The following ARHGAP23 variants were observed in gnomAD, a reference collection of about 807,000 sequenced individuals.
The protein encoded by ARHGAP23 is rho GTPase-activating protein 23.
In ARHGAP23, 34 loss-of-function variants were observed where a neutral mutation model predicts 136.3. The observed-to-expected ratio is 0.25, with a 90% confidence interval of 0.19 to 0.33. The LOEUF (loss-of-function observed/expected upper bound fraction) is 0.33, where lower values mean the gene tolerates loss of function less well. Among genes scored for constraint, ARHGAP23 ranks in the 10% least tolerant of loss-of-function variants. The pLI is 1.00. For synonymous variants in ARHGAP23, 832 were observed against 920.5 expected (o/e 0.90, Z 1.74); for missense variants, 1,808 against 2,139.0 (o/e 0.85, Z 3.05).
At chr17:38,476,735 G>C (rs1368965150) in intron 11 of ARHGAP23, among the ~76,000 whole-genome samples, 1 of 152,222 alleles carries the variant, frequency 6.6e-6, no homozygotes, top group Non-Finnish European at 1.5e-5. Context: ...CTTACCCTCA[G>C]CTCTGCTGAC....
rs143630883 is a variant in ARHGAP23 at position 38,460,222 on chromosome 17, G to T, written c.226-683G>T. 1.6e-3 allele frequency among the ~76,000 whole-genome samples: 243 copies of T among 152,228 alleles called. 2 individuals are homozygous for T. In the East Asian group the frequency reaches 0.04, roughly 25 times the overall value. ...GGGTCCCCTTGACACCCTGCACCCA[G>T]GTGCCAGAATCCTCTCCCCTAACTC... is the stretch of plus-strand genomic sequence containing the variant. On this transcript the variant is annotated intron_variant, in intron 2 of 23. Coordinates refer to ENST00000622683, the MANE Select transcript of ARHGAP23 (RefSeq NM_001199417.2).
At chr17:38,509,448 G>C (rs1459755456) in intron 23 of ARHGAP23, among the ~76,000 whole-genome samples, 1 of 152,160 alleles carries the variant, frequency 6.6e-6, no homozygotes, top group African/African-American at 2.4e-5. Flanking sequence ...TGTAGATGCT[G>C]GGCAGGTGGG....
At position 38,469,827 on chromosome 17, in the gene ARHGAP23, C is replaced by A. The variant is rs1042952585; in HGVS notation, c.1917-20C>A. The A allele has an allele frequency of 6.4e-7, 1 of 1,551,452 alleles. No homozygotes were observed. Among genetic ancestry groups the A allele is most frequent in the Non-Finnish European group, 8.7e-7 (1 of 1,146,922 alleles). ...CAGCTTTGCTGCCCACATCCCTCAC[C>A]CTCGACCCTCGCTTTCCAGGCGCCT... On this transcript the variant is annotated intron_variant, in intron 9 of 23. Coordinates refer to ENST00000622683, the MANE Select transcript of ARHGAP23 (RefSeq NM_001199417.2).
At chr17:38,425,495 C>T (rs577325696), upstream of ARHGAP23, among the ~76,000 whole-genome samples, 1 of 152,316 alleles carries the variant, frequency 6.6e-6, no homozygotes, top group South Asian at 2.1e-4. Flanking sequence ...CTAGGCCTCA[C>T]CTCTGTATTC....
chr17:38,496,270 A>G (rs903801398), intron 20 of ARHGAP23, among the ~76,000 whole-genome samples: 5 of 151,848 alleles, frequency 3.3e-5, no homozygotes, highest in Admixed American at 6.6e-5. Flanking sequence ...CAAAAGTGGT[A>G]GGGTGCAGTG....
rs532999270 is a variant in ARHGAP23, at chr17:38,470,682, G to A, written c.1974+778G>A. 2.5e-4 allele frequency among the ~76,000 whole-genome samples: 37 copies of A among 150,696 alleles called. 2 individuals carry two copies. In the South Asian group the frequency reaches 5.3e-3, roughly 21 times the overall value. On this transcript the variant is annotated intron_variant, in intron 10 of 23. Coordinates refer to ENST00000622683, the MANE Select transcript of ARHGAP23 (RefSeq NM_001199417.2). ...CTCCCGAGCAGCTGGGATTACAGGC[G>A]TGTGCCACCACGCCTGGGTAATTTT...
intron 14 of ARHGAP23, among the ~76,000 whole-genome samples, chr17:38,480,444 T>C (rs2040008666): frequency 2.0e-5 from 3 of 152,202 alleles, no homozygotes; most frequent in Admixed American, 2.0e-4. Flanking sequence ...CCATCCTGGC[T>C]AACACGGTGA....
In ARHGAP23 at chr17:38,477,656, G is replaced by A; in HGVS notation, c.2196G>A (p.Glu732=). Residue 732 remains glutamate, a synonymous_variant, in exon 12 of 24, where the codon GAG becomes GAA. Coordinates refer to ENST00000622683, the MANE Select transcript of ARHGAP23 (RefSeq NM_001199417.2). This position sits in a 1 kb window ranked among gnomAD's most constrained non-coding sequence, Gnocchi z 6.6. ...LRARSLSLSK[E]RREPGPAAAG... ...CGCGCTCGCTCTCGCTGAGCAAGGA[G>A]CGGCGGGAGCCCGGGCCGGCGGCGG... 1 of 1,273,718 alleles carries A rather than the reference G, an allele frequency of 7.9e-7. No individual in the cohort carries two copies. The highest frequency in any genetic ancestry group is 9.9e-7 in the Non-Finnish European group (1 of 1,007,660). The allele number at this position is 1,273,718 out of a possible 1,614,324, so 78.9% of individuals were successfully genotyped here. A position where few individuals can be genotyped will look rare whatever the true frequency, so the allele number is the denominator to read the frequency against.
upstream of ARHGAP23, among the ~76,000 whole-genome samples, chr17:38,428,199 T>A (rs2038597803): frequency 6.6e-6 from 1 of 152,132 alleles, no homozygotes; most frequent in African/African-American, 2.4e-5. Flanking sequence ...CGGGCAAGCG[T>A]CTCCTGGAGA....
intron 3 of ARHGAP23, among the ~76,000 whole-genome samples, chr17:38,462,502 C>T (rs1042497035): frequency 2.0e-5 from 3 of 151,558 alleles, no homozygotes; most frequent in South Asian, 2.1e-4. Context: ...GTGATCCACC[C>T]GCCTTGGCCT....
At chr17:38,428,576 C>T in intron 1 of ARHGAP23, 28 bp downstream of exon 1, 6 of 1,378,084 alleles carry the variant, frequency 4.4e-6, no homozygotes, top group Non-Finnish European at 4.7e-6. Context: ...GGGAAGTGGG[C>T]GGGGCCGGTA....
In ARHGAP23 at chr17:38,428,524, C is replaced by A. The variant is rs866222114; in HGVS notation, c.39C>A (p.Pro13=). The A allele has an allele frequency of 4.5e-5, 66 of 1,455,674 alleles. No individual in the cohort carries two copies. The African/African-American group carries it at 8.8e-4, about 19-fold the overall frequency. The allele number at this position is 1,455,674 out of a possible 1,614,324, so 90.2% of individuals were successfully genotyped here. ...CCTTCTGCCTGGTCGGGATCCCGCCCCGCCCGGAGCCCCGGCCCCCACAGG... is the reference window on the plus strand; with the variant it reads ...CCTTCTGCCTGGTCGGGATCCCGCCACGCCCGGAGCCCCGGCCCCCACAGG... ...GVAFCLVGIP[P]RPEPRPPQLP... is the part of the protein sequence containing the mutation. Residue 13 remains proline (P), a synonymous_variant, in exon 1 of 24, where the codon CCC becomes CCA. Transcript: ENST00000622683.
chr17:38,504,886 G>A (rs1462372079), intron 23 of ARHGAP23, among the ~76,000 whole-genome samples: 5 of 150,284 alleles, frequency 3.3e-5, no homozygotes, highest in African/African-American at 7.3e-5. Context: ...AGGCTGTCCC[G>A]GGTAGGAGTG....
intron 12 of ARHGAP23, among the ~76,000 whole-genome samples, chr17:38,479,027 C>T (rs1428091263): frequency 6.6e-6 from 1 of 152,190 alleles, no homozygotes; most frequent in Non-Finnish European, 1.5e-5. Context: ...ATTTGGGCCT[C>T]CTCCTCTGGG....
At chr17:38,445,604 G>A (rs145515457) in intron 1 of ARHGAP23, among the ~76,000 whole-genome samples, 4 of 151,716 alleles carry the variant, frequency 2.6e-5, no homozygotes, top group Non-Finnish European at 4.4e-5. Flanking sequence ...CACTATCACC[G>A]TAAGTGGAAT....
At chr17:38,486,942 G>C (rs1348948234) in intron 17 of ARHGAP23, among the ~76,000 whole-genome samples, 1 of 152,240 alleles carries the variant, frequency 6.6e-6, no homozygotes, top group African/African-American at 2.4e-5. Context: ...TGCCTGCGTG[G>C]GGTTTGGATT....
At position 38,510,583 on chromosome 17, in the gene ARHGAP23, G is replaced by T; in HGVS notation, c.4087G>T (p.Ala1363Ser). ...GCTGCGGCCCCCGGCGGCGGCGCTG[G>T]CCTCCCGGCCCTCGCGCATGGAGGC... ...ESLRPPAAAL[A>S]SRPSRMEALR... Residue 1363 changes from alanine to serine, a missense_variant, in exon 24 of 24, where the codon GCC (alanine) becomes TCC (serine). Coordinates refer to ENST00000622683, the MANE Select transcript of ARHGAP23 (RefSeq NM_001199417.2). The surrounding 1 kb of genome is among the most constrained non-coding windows in gnomAD (Gnocchi z 4.6). 7.9e-7 allele frequency: 1 copy of T among 1,264,380 alleles called. No individual in the cohort carries two copies. The highest frequency in any genetic ancestry group is 9.9e-7 in the Non-Finnish European group (1 of 1,007,114). 78.3% of individuals were successfully genotyped at this position (1,264,380 alleles called of 1,614,324 possible).
At chr17:38,447,075 A>G (rs2039050403) in intron 1 of ARHGAP23, among the ~76,000 whole-genome samples, 1 of 152,206 alleles carries the variant, frequency 6.6e-6, no homozygotes, top group Admixed American at 6.5e-5. Context: ...GGTATGAGCC[A>G]CTGTGCCTGG....
In ARHGAP23 at chr17:38,491,539, C is replaced by G; in HGVS notation, c.3276+7C>G. On this transcript the variant is annotated splice_region_variant and intron_variant, in intron 20 of 23. Transcript: ENST00000622683. ...GGAGACACTGATCCAGCACGTAAGC[C>G]CCTGTTCCGGGGGGCGCCCGGCAGC... The G allele has an allele frequency of 6.5e-7, 1 of 1,549,504 alleles. No homozygotes were observed. Among genetic ancestry groups the G allele is most frequent in the Non-Finnish European group, 8.7e-7 (1 of 1,146,776 alleles).
Sources: gnomAD v4.1 joint callset for allele counts (sites outside exome capture counted in the v4.1 genomes callset) on GRCh38, gnomAD v4.1.1 for gene constraint, Gnocchi (gnomAD v3.1) non-coding constraint, MANE v1.5 for transcripts, NCBI Gene and HGNC (gene_info 2026-07-23, HGNC 2026-07-21) for gene names.